Variants in PPP2R5C observed in about 807,000 individuals in gnomAD.
The protein encoded by PPP2R5C is protein phosphatase 2 regulatory subunit B'gamma, also known as serine/threonine-protein phosphatase 2A 56 kDa regulatory subunit gamma isoform.
Under a neutral mutation model 68.9 loss-of-function variants are expected in PPP2R5C, and 7 were observed. That is an observed-to-expected ratio of 0.10 (90% confidence interval 0.06 to 0.19). The LOEUF is 0.19. Among genes scored for constraint, PPP2R5C ranks in the 10% least tolerant of loss-of-function variants. The pLI, the probability that PPP2R5C is intolerant of heterozygous loss-of-function variation, is 1.00. For synonymous variants in PPP2R5C, 210 were observed against 222.2 expected (o/e 0.95, Z 0.49); for missense variants, 348 against 641.3 (o/e 0.54, Z 4.94).
At chr14:101,823,500 T>G (rs1026449284) in intron 1 of PPP2R5C, among the ~76,000 whole-genome samples, 6 of 152,184 alleles carry the variant, frequency 3.9e-5, no homozygotes, top group African/African-American at 4.8e-5. Flanking sequence ...GATACCCAAA[T>G]GAGAATAGAG....
Position 101,916,570 on chromosome 14 carries a change from G to A in PPP2R5C, c.1327-1261G>A, listed in dbSNP as rs2046681697. ...TCCTCAGAGAGGCCCAGTGAGGCAA[G>A]GCCGGGAAGGGCTTAGCAGCCAGAG... On this transcript the variant is annotated intron_variant, in intron 12 of 13. Transcript: ENST00000334743. The surrounding 1 kb of genome is among the most constrained non-coding windows in gnomAD (Gnocchi z 5.5). Among the ~76,000 whole-genome samples, 1 of 152,194 alleles carries A rather than the reference G, an allele frequency of 6.6e-6. No individual in the cohort carries two copies. The highest frequency in any genetic ancestry group is 1.5e-5 in the Non-Finnish European group (1 of 68,032).
chr14:101,806,786 A>G (rs2039095709), upstream of PPP2R5C, among the ~76,000 whole-genome samples: 1 of 151,824 alleles, frequency 6.6e-6, no homozygotes, highest in African/African-American at 2.4e-5. Flanking sequence ...CATAGTAGAG[A>G]CCTCATCTCT....
chr14:101,771,223 G>A (rs1232059503), intron 2 of PPP2R5C, among the ~76,000 whole-genome samples: 1 of 1,020 alleles, frequency 9.8e-4, no homozygotes, highest in Non-Finnish European at 3.8e-3. Context: ...TCTTCATCTC[G>A]TGTGTGTGTG....
chr14:101,833,967 C>G (rs1172925456), intron 1 of PPP2R5C, among the ~76,000 whole-genome samples: 2 of 152,124 alleles, frequency 1.3e-5, no homozygotes, highest in Non-Finnish European at 2.9e-5. Context: ...TGCCACCACG[C>G]TCGGCTAATT....
Position 101,925,128 on chromosome 14 carries a change from T to A in PPP2R5C, c.1444-13T>A. ...TTAGTTTGTAGCCAACGCCATTGCA[T>A]TTCTAATTCCAGGCACAGAAAGATC... On this transcript the variant is annotated splice_polypyrimidine_tract_variant and intron_variant, in intron 13 of 13. Coordinates refer to ENST00000334743, the Ensembl canonical transcript of PPP2R5C. 6.2e-7 allele frequency: 1 copy of A among 1,613,824 alleles called. No individual in the cohort carries two copies. The highest frequency in any genetic ancestry group is 2.2e-5 in the East Asian group (1 of 44,866).
chr14:101,797,456 T>C lies in PPP2R5C; in HGVS notation c.259+11273T>C. ...ACACACAGTGTGTCTCCTGAAGGAA[T>C]GAAAAGCCCTCCTGGCCCCTCTGCC... is the stretch of plus-strand genomic sequence containing the variant. On this transcript the variant is annotated intron_variant, in intron 3 of 14. Transcript: ENST00000328724. This position sits in a 1 kb window ranked among gnomAD's most constrained non-coding sequence, Gnocchi z 4.2. 2 of 367,876 alleles carry C rather than the reference T, an allele frequency of 5.4e-6. No homozygotes were observed. The highest frequency in any genetic ancestry group is 3.9e-5 in the South Asian group (2 of 51,006). The allele number at this position is 367,876 out of a possible 1,614,324, so 22.8% of individuals were successfully genotyped here.
chr14:101,765,364 A>T, intron 2 of PPP2R5C: 2 of 653,628 alleles, frequency 3.1e-6, no homozygotes, highest in Admixed American at 4.7e-5. Flanking sequence ...CTTAAATTTT[A>T]TTATTGTTTT....
chr14:101,925,269 C>G, exon 14 of PPP2R5C: 1 of 1,612,752 alleles, frequency 6.2e-7, no homozygotes, highest in Non-Finnish European at 8.5e-7. Flanking sequence ...AGGACGGCCG[C>G]TAGCCTCCGG....
intron 2 of PPP2R5C, among the ~76,000 whole-genome samples, chr14:101,863,295 G>A (rs765680148): frequency 1.4e-5 from 2 of 148,106 alleles, no homozygotes; most frequent in Non-Finnish European, 3.0e-5. Context: ...GCAACAGAGT[G>A]AGACTGCTTC....
intron 1 of PPP2R5C, among the ~76,000 whole-genome samples, chr14:101,845,183 G>T (rs961338402): frequency 6.6e-6 from 1 of 151,958 alleles, no homozygotes; most frequent in Admixed American, 6.6e-5. Flanking sequence ...TAACACCGTT[G>T]AATTCCTCTT....
At chr14:101,836,869 T>C (rs1264832563) in intron 1 of PPP2R5C, among the ~76,000 whole-genome samples, 1 of 152,252 alleles carries the variant, frequency 6.6e-6, no homozygotes, top group African/African-American at 2.4e-5. Context: ...AACAGGGTTA[T>C]TCATCACGCT....
upstream of PPP2R5C, among the ~76,000 whole-genome samples, chr14:101,761,223 G>A (rs2036508392): frequency 6.6e-6 from 1 of 152,188 alleles, no homozygotes; most frequent in African/African-American, 2.4e-5. Context: ...GCGGTGAGGG[G>A]GCAAGGCCAA....
rs556737072 is a variant in PPP2R5C, at chr14:101,871,209, G to GT, written c.295-10943dup. Among the ~76,000 whole-genome samples the GT allele has an allele frequency of 7.3e-3, 925 of 126,834 alleles. 6 individuals are homozygous for GT. The highest frequency in any genetic ancestry group is 9.2e-3 in the Non-Finnish European group (589 of 64,036). The allele number at this position is 126,834 out of a possible 152,430, so 83.2% of individuals were successfully genotyped here. A position where few individuals can be genotyped will look rare whatever the true frequency, so the allele number is the denominator to read the frequency against. ...GTAGATAGCGTATTGTTGAGTCTTG[G>GT]TTTTTTTTTGTTTTGGTTTTTGTTG... On this transcript the variant is annotated intron_variant, in intron 2 of 13. Coordinates refer to ENST00000334743, the Ensembl canonical transcript of PPP2R5C.
At chr14:101,909,020 G>A (rs1036945123) in intron 10 of PPP2R5C, among the ~76,000 whole-genome samples, 3 of 152,178 alleles carry the variant, frequency 2.0e-5, no homozygotes, top group African/African-American at 7.2e-5. Context: ...GCTCTTACAG[G>A]GCTGCAGTCC....
At chr14:101,833,999 G>A (rs1482513901) in intron 1 of PPP2R5C, among the ~76,000 whole-genome samples, 1 of 152,034 alleles carries the variant, frequency 6.6e-6, no homozygotes, top group Non-Finnish European at 1.5e-5. Context: ...GTAGAGATGG[G>A]GTTTCACCGT....
In PPP2R5C at chr14:101,906,544, G is replaced by C. The variant is rs755891175; in HGVS notation, c.1151+15G>C. On this transcript the variant is annotated intron_variant, in intron 10 of 13. Transcript: ENST00000334743. This position sits in a 1 kb window ranked among gnomAD's most constrained non-coding sequence, Gnocchi z 4.0. The stretch of plus-strand genomic sequence containing the variant: ...CATTGGAACAAGTAAGAAAGAACTG[G>C]CTGCCATCTTTTTCAGTCATTTTAA... 11 of 1,586,706 alleles carry C rather than the reference G, an allele frequency of 6.9e-6. No individual in the cohort carries two copies. Among genetic ancestry groups the C allele is most frequent in the South Asian group, 1.2e-5 (1 of 85,972 alleles).
chr14:101,909,474 C>G, intron 10 of PPP2R5C, 115 bp from the exon 13 acceptor site: 1 of 616,930 alleles, frequency 1.6e-6, no homozygotes, highest in Non-Finnish European at 2.9e-6. Context: ...CATTTTAGAC[C>G]TTAGGGATCC....
exon 1 of PPP2R5C, chr14:101,809,930 C>T (rs2039251410): frequency 6.2e-7 from 1 of 1,612,732 alleles, no homozygotes; most frequent in Non-Finnish European, 8.5e-7. Context: ...TTGCCTTTCC[C>T]GCTGAAGTCT....
rs1387338719 is a variant in PPP2R5C, at chr14:101,798,951, T to C, written c.259+12768T>C. On this transcript the variant is annotated intron_variant, in intron 3 of 14. Transcript: ENST00000328724. ...GAGGGAAATGCTGTTCTTGAGATGA[T>C]TTGACAGCATATCCCTCTTAATTAT... is the stretch of plus-strand genomic sequence containing the variant. Among the ~76,000 whole-genome samples the C allele has an allele frequency of 4.6e-5, 7 of 152,202 alleles. No individual in the cohort carries two copies. The East Asian group carries it at 1.3e-3, about 29-fold the overall frequency.
Sources: allele counts gnomAD v4.1 joint callset (sites outside exome capture counted in the v4.1 genomes callset), GRCh38; gene constraint gnomAD v4.1.1; non-coding constraint Gnocchi (gnomAD v3.1); transcripts MANE v1.5; gene names NCBI Gene and HGNC (gene_info 2026-07-23, HGNC 2026-07-21).